Variants in SPATS2L observed in about 807,000 individuals in gnomAD.
The protein encoded by SPATS2L is SPATS2-like protein.
Under a neutral mutation model 59.6 loss-of-function variants are expected in SPATS2L, and 30 were observed. That is an observed-to-expected ratio of 0.50 (90% CI 0.38 to 0.68). The LOEUF is 0.68. Among genes scored for constraint, SPATS2L ranks in the 30% least tolerant of loss-of-function variants. The probability of loss-of-function intolerance (pLI) is 0.00; values close to 1 mark genes in which losing one functional copy is unlikely to be tolerated. For synonymous variants in SPATS2L, 252 were observed against 263.5 expected (o/e 0.96, Z 0.42); for missense variants, 615 against 700.0 (o/e 0.88, Z 1.37).
chr2:200,431,733 C>T (rs2083944330), intron 6 of SPATS2L, among the ~76,000 whole-genome samples: 1 of 152,294 alleles, frequency 6.6e-6, no homozygotes, highest in Non-Finnish European at 1.5e-5. Context: ...CAATCTTTTT[C>T]AGAAACTTTC....
chr2:200,372,202 C>T, intron 2 of SPATS2L: 2 of 985,288 alleles, frequency 2.0e-6, no homozygotes, highest in Middle Eastern at 5.2e-4. Flanking sequence ...ATTGTTTCTC[C>T]CTTTGGAATT....
chr2:200,421,373 T>C (rs1413047417), intron 6 of SPATS2L, among the ~76,000 whole-genome samples: 1 of 152,172 alleles, frequency 6.6e-6, no homozygotes. Context: ...TATGACACAC[T>C]GCTATTCTCT....
chr2:200,356,284 A>G (rs899686454), intron 2 of SPATS2L, among the ~76,000 whole-genome samples: 1 of 152,216 alleles, frequency 6.6e-6, no homozygotes, highest in Non-Finnish European at 1.5e-5. Context: ...AAAGCACATT[A>G]TACAGGTCTG....
At chr2:200,318,201 G>A (rs568627939) in intron 1 of SPATS2L, among the ~76,000 whole-genome samples, 5 of 152,310 alleles carry the variant, frequency 3.3e-5, no homozygotes, top group Admixed American at 6.5e-5. Flanking sequence ...TAAGGGAAAA[G>A]GGGAAGATGT....
At chr2:200,445,762 TG>T (rs1304641908) in intron 8 of SPATS2L, among the ~76,000 whole-genome samples, 4 of 36,090 alleles carry the variant, frequency 1.1e-4, no homozygotes, top group Non-Finnish European at 2.2e-4. Flanking sequence ...CCATGTTGAT[TG>T]GTTTTTTTTT....
chr2:200,337,910 A>G (rs1232656900), intron 2 of SPATS2L, among the ~76,000 whole-genome samples: 2 of 152,236 alleles, frequency 1.3e-5, no homozygotes, highest in Admixed American at 6.5e-5. Context: ...TGCCTAATAC[A>G]TAAGACATAC....
intron 8 of SPATS2L, among the ~76,000 whole-genome samples, chr2:200,451,247 G>A (rs2085422415): frequency 6.6e-6 from 1 of 151,922 alleles, no homozygotes; most frequent in Non-Finnish European, 1.5e-5. Context: ...CCTGAGCCCA[G>A]GAGGCGGAGT....
At chr2:200,471,594 G>A (rs567346133) in intron 11 of SPATS2L, among the ~76,000 whole-genome samples, 1 of 152,130 alleles carries the variant, frequency 6.6e-6, no homozygotes, top group African/African-American at 2.4e-5. Context: ...AGAGCACATT[G>A]AGAACCCACA....
chr2:200,452,139 A>G lies in SPATS2L; in HGVS notation c.789-7630A>G, dbSNP rs190802763. On this transcript the variant is annotated intron_variant, in intron 8 of 12. Coordinates refer to ENST00000409140, the MANE Select transcript of SPATS2L (RefSeq NM_001100423.2). ...GGGAAGCGGGGGAGTCAGCATTTTT[A>G]TAGTCAAAGACACTGAAATACAGTC... Among the ~76,000 whole-genome samples, 4 of 152,322 alleles carry G rather than the reference A, an allele frequency of 2.6e-5. No individual in the cohort carries two copies. In the East Asian group the frequency reaches 5.8e-4, roughly 22 times the overall value.
chr2:200,432,562 T>C (rs2106069223), intron 6 of SPATS2L, among the ~76,000 whole-genome samples: 1 of 151,626 alleles, frequency 6.6e-6, no homozygotes, highest in East Asian at 1.9e-4. Flanking sequence ...AGATCTAGAG[T>C]TTCTCAATGC....
chr2:200,335,111 C>T (rs1448293730), intron 2 of SPATS2L, among the ~76,000 whole-genome samples: 1 of 152,038 alleles, frequency 6.6e-6, no homozygotes, highest in Non-Finnish European at 1.5e-5. Context: ...GGCAGTATGG[C>T]CATTTTCACG....
intron 9 of SPATS2L, among the ~76,000 whole-genome samples, chr2:200,460,408 T>C (rs2086149735): frequency 6.6e-6 from 1 of 152,178 alleles, no homozygotes; most frequent in Non-Finnish European, 1.5e-5. Flanking sequence ...CTCACAAACC[T>C]AACAAGCAAA....
At chr2:200,356,805 G>A (rs1317474214) in intron 2 of SPATS2L, among the ~76,000 whole-genome samples, 1 of 152,176 alleles carries the variant, frequency 6.6e-6, no homozygotes, top group Non-Finnish European at 1.5e-5. Flanking sequence ...AGGAAGTATG[G>A]CATTGGTGTC....
At chr2:200,446,998 A>G (rs1184952820) in intron 8 of SPATS2L, among the ~76,000 whole-genome samples, 1 of 152,220 alleles carries the variant, frequency 6.6e-6, no homozygotes, top group Non-Finnish European at 1.5e-5. Context: ...GTTTTTCATC[A>G]TAGAATTCTA....
At chr2:200,329,626 T>A in intron 2 of SPATS2L, 146 bp downstream of exon 2, 1 of 690,500 alleles carries the variant, frequency 1.4e-6, no homozygotes, top group Non-Finnish European at 2.5e-6. Context: ...AGAGTTCTCT[T>A]TTAGAGTGTG....
intron 8 of SPATS2L, among the ~76,000 whole-genome samples, chr2:200,447,474 T>G (rs1036901806): frequency 3.3e-5 from 5 of 152,214 alleles, no homozygotes; most frequent in Non-Finnish European, 7.3e-5. Flanking sequence ...ATATATACTT[T>G]AACAGGTAAG....
At chr2:200,378,450 T>A (rs1027910991) in intron 2 of SPATS2L, 37 of 965,468 alleles carry the variant, frequency 3.8e-5, no homozygotes, top group Non-Finnish European at 4.4e-5. Context: ...TGCCTGGGGG[T>A]ACTCTCCAAC....
At position 200,430,828 on chromosome 2, in the gene SPATS2L, G is replaced by A. The variant is rs905021823; in HGVS notation, c.446-8294G>A. Among the ~76,000 whole-genome samples, 5 of 148,700 alleles carry A rather than the reference G, an allele frequency of 3.4e-5. No homozygotes were observed. The Admixed American group carries it at 3.4e-4, about 10-fold the overall frequency. ...TGCCTCACAGGTTCAAGTGATTCTC[G>A]TGCCTCAGCTTCCCAAGTAGCTGGG... On this transcript the variant is annotated intron_variant, in intron 6 of 12. Coordinates refer to ENST00000409140, the MANE Select transcript of SPATS2L (RefSeq NM_001100423.2).
chr2:200,469,651 T>C (rs1454860131), intron 10 of SPATS2L: 1 of 382,468 alleles, frequency 2.6e-6, no homozygotes, highest in Non-Finnish European at 4.7e-6. Flanking sequence ...AAAGGTTAAA[T>C]AGATGAGTCA....
Sources: allele counts gnomAD v4.1 joint callset (sites outside exome capture counted in the v4.1 genomes callset), GRCh38; gene constraint gnomAD v4.1.1; transcripts MANE v1.5; gene names NCBI Gene and HGNC (gene_info 2026-07-23, HGNC 2026-07-21).